Variants in NYAP2 observed in about 807,000 individuals in gnomAD.
The protein encoded by NYAP2 is neuronal tyrosine-phosphorylated phosphoinositide-3-kinase adaptor 2.
In NYAP2, 23 loss-of-function variants were observed where a neutral mutation model predicts 50.4. The ratio of observed to expected loss-of-function variants is 0.46; its 90% CI spans 0.33 to 0.65. The LOEUF is 0.65. Ranked by LOEUF, NYAP2 falls within the 30% of genes least tolerant of loss-of-function variation. The pLI is 0.02. For synonymous variants in NYAP2, 394 were observed against 365.2 expected, an observed-to-expected ratio of 1.08 and a Z score of -0.90; for missense variants, 885 against 861.0, an observed-to-expected ratio of 1.03 and a Z score of -0.35.
At chr2:225,579,034 A>T (rs1296310477) in intron 4 of NYAP2, among the ~76,000 whole-genome samples, 4 of 152,004 alleles carry the variant, frequency 2.6e-5, no homozygotes, top group Non-Finnish European at 5.9e-5. Flanking sequence ...ATGCACGTGC[A>T]CGCACACACA....
chr2:225,673,665 G>T, the NYAP2 span, among the ~76,000 whole-genome samples: 1 of 152,120 alleles, frequency 6.6e-6, no homozygotes, highest in African/African-American at 2.4e-5. Flanking sequence ...TCAAATTAAT[G>T]TCTTATGCTG....
intron 6 of NYAP2, among the ~76,000 whole-genome samples, chr2:225,645,618 A>G (rs1693621895): frequency 6.6e-6 from 1 of 152,180 alleles, no homozygotes; most frequent in Admixed American, 6.5e-5. Context: ...GAGTTTTCAA[A>G]GGAAGAAATA....
At chr2:225,549,236 T>C (rs1691633214) in intron 4 of NYAP2, among the ~76,000 whole-genome samples, 1 of 152,198 alleles carries the variant, frequency 6.6e-6, no homozygotes, top group South Asian at 2.1e-4. Context: ...ACACAAAACC[T>C]ATTTCCTAGT....
the NYAP2 span, among the ~76,000 whole-genome samples, chr2:225,692,902 CACATATATGTGTGTGT>C: frequency 3.3e-5 from 5 of 151,816 alleles, no homozygotes; most frequent in Non-Finnish European, 7.4e-5. Context: ...CATATATTTA[CACATATATGTGTGTGT>C]ACATATATAT....
downstream of NYAP2, among the ~76,000 whole-genome samples, chr2:225,655,677 T>C (rs1204199490): frequency 2.0e-5 from 3 of 152,098 alleles, no homozygotes; most frequent in South Asian, 4.1e-4. Context: ...AGTGACCCCA[T>C]TGGAAACAGT....
chr2:225,462,779 C>A (rs1447872481), intron 3 of NYAP2, among the ~76,000 whole-genome samples: 1 of 149,104 alleles, frequency 6.7e-6, no homozygotes, highest in African/African-American at 2.6e-5. Context: ...CCTCTAGTAG[C>A]TTCAGTTGGT....
At chr2:225,586,257 A>G (rs528096888) in intron 5 of NYAP2, among the ~76,000 whole-genome samples, 16 of 152,142 alleles carry the variant, frequency 1.1e-4, no homozygotes, top group South Asian at 6.2e-4. Flanking sequence ...GTTGATGGGG[A>G]TTGGTCAATA....
chr2:225,483,953 T>C (rs1346969782), intron 3 of NYAP2, among the ~76,000 whole-genome samples: 1 of 152,230 alleles, frequency 6.6e-6, no homozygotes, highest in African/African-American at 2.4e-5. Context: ...TAACTATATG[T>C]GAAAGAAATT....
intron 5 of NYAP2, among the ~76,000 whole-genome samples, chr2:225,587,205 G>A (rs1225482546): frequency 6.6e-6 from 1 of 152,130 alleles, no homozygotes; most frequent in Admixed American, 6.6e-5. Context: ...GGGACACAGA[G>A]CCAAACCATA....
intron 5 of NYAP2, among the ~76,000 whole-genome samples, chr2:225,610,708 A>G (rs1482358687): frequency 1.3e-5 from 2 of 152,142 alleles, no homozygotes; most frequent in African/African-American, 4.8e-5. Flanking sequence ...ATACATTCAT[A>G]GTTTTCAAAG....
intron 6 of NYAP2, among the ~76,000 whole-genome samples, chr2:225,645,701 A>C (rs1044043623): frequency 6.6e-6 from 1 of 152,184 alleles, no homozygotes; most frequent in African/African-American, 2.4e-5. Context: ...TCCTTGGGGT[A>C]GGAAAGCTCT....
At chr2:225,686,184 C>T in the NYAP2 span, among the ~76,000 whole-genome samples, 1 of 152,060 alleles carries the variant, frequency 6.6e-6, no homozygotes, top group Non-Finnish European at 1.5e-5. Context: ...TATACATTTC[C>T]AATTTGCTCT....
At chr2:225,602,274 C>T (rs1018443912) in intron 5 of NYAP2, among the ~76,000 whole-genome samples, 1 of 152,126 alleles carries the variant, frequency 6.6e-6, no homozygotes, top group African/African-American at 2.4e-5. Context: ...TAAATGAAGA[C>T]TTAGCTCACG....
intron 6 of NYAP2, among the ~76,000 whole-genome samples, chr2:225,642,631 A>G (rs1467886468): frequency 6.6e-6 from 1 of 152,130 alleles, no homozygotes; most frequent in Non-Finnish European, 1.5e-5. Context: ...CCATCCCTGT[A>G]CCAGTCAATG....
chr2:225,623,438 G>C (rs1475118408), intron 5 of NYAP2, among the ~76,000 whole-genome samples: 2 of 151,614 alleles, frequency 1.3e-5, no homozygotes, highest in African/African-American at 4.8e-5. Flanking sequence ...ACTGCAAACT[G>C]GCCTGTAATC....
At chr2:225,599,629 G>A (rs1050192675) in intron 5 of NYAP2, among the ~76,000 whole-genome samples, 1 of 152,166 alleles carries the variant, frequency 6.6e-6, no homozygotes, top group Admixed American at 6.5e-5. Context: ...CTTTTTCCCT[G>A]TCAAATTCCA....
intron 3 of NYAP2, among the ~76,000 whole-genome samples, chr2:225,504,577 A>G (rs1234900350): frequency 6.6e-6 from 1 of 152,236 alleles, no homozygotes; most frequent in Admixed American, 6.5e-5. Flanking sequence ...ATTGAAGTTC[A>G]TAAAGTATAT....
chr2:225,438,787 G>A (rs749347384), intron 3 of NYAP2, among the ~76,000 whole-genome samples: 3 of 152,128 alleles, frequency 2.0e-5, no homozygotes, highest in Non-Finnish European at 4.4e-5. Flanking sequence ...AATTACACAC[G>A]TCATACACCT....
At position 225,536,867 on chromosome 2, in the gene NYAP2, C is replaced by G. The variant is rs182837618; in HGVS notation, c.523+23195C>G. Among the ~76,000 whole-genome samples, 527 of 151,782 alleles carry G rather than the reference C, an allele frequency of 3.5e-3. 8 individuals carry two copies. Among genetic ancestry groups the G allele is most frequent in the Admixed American group, 0.031 (468 of 15,242 alleles). ...GATCTCGTCTCACTGCAAGCTCCGCCTCCCGGGTTCACGCCATTCTCCTGC... is the reference window on the plus strand; with the variant it reads ...GATCTCGTCTCACTGCAAGCTCCGCGTCCCGGGTTCACGCCATTCTCCTGC... On this transcript the variant is annotated intron_variant, in intron 4 of 6. Transcript: ENST00000636099.
Sources: allele counts gnomAD v4.1 joint callset (sites outside exome capture counted in the v4.1 genomes callset), GRCh38; gene constraint gnomAD v4.1.1; transcripts MANE v1.5; gene names NCBI Gene and HGNC (gene_info 2026-07-23, HGNC 2026-07-21).